SCYL2: variants seen among roughly 807,000 people sequenced by gnomAD.
SCYL2 encodes SCY1-like protein 2.
Under a neutral mutation model 100.4 loss-of-function variants are expected in SCYL2, and 36 were observed. That is an observed-to-expected ratio of 0.36 (90% CI 0.27 to 0.47). The LOEUF (loss-of-function observed/expected upper bound fraction) is 0.47. SCYL2 is among the 20% of genes least tolerant of loss of function. SCYL2 has a pLI of 1.00. For synonymous variants in SCYL2, 330 were observed against 359.2 expected (o/e 0.92, Z 0.92); for missense variants, 902 against 1,083.9 (o/e 0.83, Z 2.36).
At chr12:100,279,181 T>G (rs748944313) in intron 1 of SCYL2, among the ~76,000 whole-genome samples, 2 of 152,218 alleles carry the variant, frequency 1.3e-5, no homozygotes, top group Non-Finnish European at 2.9e-5. Flanking sequence ...GGAGGCTTGG[T>G]TTCAGGGTGA....
Position 100,267,241 on chromosome 12 carries a change from G to T in SCYL2, c.-580G>T. ...TCCCCTCCCCACCCCTTTCCTTCTA[G>T]CTCCGACGTTTGCGGCCGCGGGGGC... On this transcript the variant is annotated 5_prime_UTR_variant, in exon 1 of 18. Transcript: ENST00000360820. The T allele has an allele frequency of 2.8e-6, 2 of 711,058 alleles. No homozygotes were observed. The highest frequency in any genetic ancestry group is 4.5e-6 in the Non-Finnish European group (2 of 447,428). The allele number at this position is 711,058 out of a possible 1,614,324, so 44.0% of individuals were successfully genotyped here.
chr12:100,323,432 T>C (rs2096358364), intron 10 of SCYL2, 93 bp from the exon 11 acceptor site: 2 of 731,066 alleles, frequency 2.7e-6, no homozygotes, highest in Non-Finnish European at 4.7e-6. Context: ...TCAAACTATA[T>C]GACAGTTTAG....
rs1297924660 is a variant in SCYL2, at chr12:100,295,273, G to A, written c.336-2758G>A. 6.1e-3 allele frequency among the ~76,000 whole-genome samples: 922 copies of A among 151,806 alleles called. 8 individuals carry two copies. Among genetic ancestry groups the A allele is most frequent in the African/African-American group, 0.021 (876 of 41,376 alleles). The stretch of plus-strand genomic sequence containing the variant: ...AGACGATGGGCGGCCAGGCAGAGAC[G>A]CTCCTCACTTCCCAGACGGGGTGGC... On this transcript the variant is annotated intron_variant, in intron 3 of 17. Coordinates refer to ENST00000360820, the MANE Select transcript of SCYL2 (RefSeq NM_017988.6).
intron 1 of SCYL2, among the ~76,000 whole-genome samples, chr12:100,275,582 A>G (rs570573761): frequency 6.6e-6 from 1 of 152,296 alleles, no homozygotes; most frequent in Admixed American, 6.5e-5. Context: ...TATTTTGTAG[A>G]TTGATTCCTT....
chr12:100,324,809 T>A (rs1262143964), intron 11 of SCYL2, among the ~76,000 whole-genome samples: 1 of 152,242 alleles, frequency 6.6e-6, no homozygotes, highest in Non-Finnish European at 1.5e-5. Flanking sequence ...ATTGAATTTT[T>A]AAAATAGATG....
intron 4 of SCYL2, among the ~76,000 whole-genome samples, chr12:100,309,384 A>G (rs1393927373): frequency 6.7e-6 from 1 of 150,314 alleles, no homozygotes; most frequent in South Asian, 2.1e-4. Context: ...TATTCCTCCA[A>G]CTCCTCCTCC....
chr12:100,323,673 T>C, intron 11 of SCYL2, 35 bp downstream of exon 11: 1 of 1,144,682 alleles, frequency 8.7e-7, no homozygotes, highest in African/African-American at 1.6e-5. Context: ...GTTTTTCTTT[T>C]CACTTGTCAG....
intron 13 of SCYL2, among the ~76,000 whole-genome samples, chr12:100,331,816 A>G (rs1952212958): frequency 6.6e-6 from 1 of 152,160 alleles, no homozygotes; most frequent in Admixed American, 6.6e-5. Flanking sequence ...TTCTGATTTA[A>G]GATGATTTAA....
intron 2 of SCYL2, among the ~76,000 whole-genome samples, chr12:100,289,290 C>T (rs1210004533): frequency 2.0e-5 from 3 of 152,070 alleles, no homozygotes; most frequent in Admixed American, 6.5e-5. Context: ...TTTGGTGTTC[C>T]GTATTTTCCC....
chr12:100,307,231 TG>T (rs1398549103), intron 4 of SCYL2, among the ~76,000 whole-genome samples: 2 of 152,198 alleles, frequency 1.3e-5, no homozygotes, highest in African/African-American at 4.8e-5. Context: ...TCATGCTACC[TG>T]ACTTCAAACT....
intron 3 of SCYL2, among the ~76,000 whole-genome samples, chr12:100,294,750 A>AC (rs1484382845): frequency 9.1e-5 from 8 of 88,184 alleles, no homozygotes; most frequent in East Asian, 3.5e-4. Flanking sequence ...TGGGGGGCTG[A>AC]CCCCCCCACC....
At chr12:100,294,655 G>A (rs1270611076) in intron 3 of SCYL2, among the ~76,000 whole-genome samples, 4 of 133,094 alleles carry the variant, frequency 3.0e-5, no homozygotes, top group Admixed American at 7.2e-5. Context: ...CTGGGCAGAG[G>A]CACCCCTCAC....
intron 3 of SCYL2, among the ~76,000 whole-genome samples, chr12:100,294,165 C>T (rs2096314218): frequency 6.8e-6 from 1 of 146,018 alleles, no homozygotes; most frequent in Non-Finnish European, 1.5e-5. Flanking sequence ...GGGCTGACTC[C>T]CCCACCTCCC....
intron 13 of SCYL2, among the ~76,000 whole-genome samples, chr12:100,332,298 C>T (rs1397294626): frequency 2.6e-5 from 4 of 152,174 alleles, no homozygotes; most frequent in Admixed American, 2.0e-4. Flanking sequence ...AGAAGGAAGG[C>T]AGGTGTACAG....
chr12:100,271,532 G>A (rs1396137602), intron 1 of SCYL2, among the ~76,000 whole-genome samples: 2 of 152,098 alleles, frequency 1.3e-5, no homozygotes, highest in South Asian at 2.1e-4. Flanking sequence ...TCAGACCTTT[G>A]TGCCCCTTTA....
chr12:100,325,532 A>G (rs1388938398), intron 11 of SCYL2, among the ~76,000 whole-genome samples: 1 of 152,200 alleles, frequency 6.6e-6, no homozygotes, highest in African/African-American at 2.4e-5. Context: ...AATTGTATTC[A>G]TAGTCCTCTA....
At chr12:100,311,376 T>C (rs1164590821) in intron 5 of SCYL2, among the ~76,000 whole-genome samples, 183 bp downstream of exon 5, 2 of 152,176 alleles carry the variant, frequency 1.3e-5, no homozygotes, top group African/African-American at 4.8e-5. Flanking sequence ...TAGTTAATGT[T>C]ATTTGAGAAA....
At chr12:100,308,895 A>C (rs1355768279) in intron 4 of SCYL2, among the ~76,000 whole-genome samples, 1 of 152,122 alleles carries the variant, frequency 6.6e-6, no homozygotes, top group Non-Finnish European at 1.5e-5. Flanking sequence ...AGATCAATAT[A>C]AAGTCTCCTA....
chr12:100,273,732 C>T (rs995538713), intron 1 of SCYL2, among the ~76,000 whole-genome samples: 1 of 152,176 alleles, frequency 6.6e-6, no homozygotes, highest in African/African-American at 2.4e-5. Context: ...TGGAATACTC[C>T]TTCCCCCCTT....
Sources: allele counts gnomAD v4.1 joint callset (sites outside exome capture counted in the v4.1 genomes callset), GRCh38; gene constraint gnomAD v4.1.1; transcripts MANE v1.5; gene names NCBI Gene and HGNC (gene_info 2026-07-23, HGNC 2026-07-21).